DIP2B: variants seen among roughly 807,000 people sequenced by gnomAD.
DIP2B encodes disco-interacting protein 2 homolog B.
Under a neutral mutation model 198.0 loss-of-function variants are expected in DIP2B, and 76 were observed. The observed-to-expected ratio is 0.38, with a 90% CI of 0.32 to 0.46. The LOEUF (loss-of-function observed/expected upper bound fraction) is 0.46, where lower values mean the gene tolerates loss of function less well. Among genes scored for constraint, DIP2B ranks in the 20% least tolerant of loss-of-function variants. DIP2B has a pLI of 0.99. For missense variants in DIP2B, 1,559 were observed against 1,978.4 expected (o/e 0.79, Z 4.02); for synonymous variants, 701 against 739.1 (o/e 0.95, Z 0.84).
chr12:50,506,188 GC>G (rs1957967068), intron 1 of DIP2B, among the ~76,000 whole-genome samples: 1 of 152,136 alleles, frequency 6.6e-6, no homozygotes, highest in South Asian at 2.1e-4. Flanking sequence ...ATCACTGGCT[GC>G]CCCTGAGACA....
intron 1 of DIP2B, among the ~76,000 whole-genome samples, chr12:50,544,342 C>T (rs1292477642): frequency 3.3e-5 from 5 of 152,094 alleles, no homozygotes; most frequent in African/African-American, 2.4e-5. Context: ...TCAGATATTC[C>T]GTCACTAGGG....
At chr12:50,612,926 A>C (rs1959043885) in intron 1 of DIP2B, among the ~76,000 whole-genome samples, 1 of 152,168 alleles carries the variant, frequency 6.6e-6, no homozygotes, top group Admixed American at 6.5e-5. Context: ...TCTCCCAGGC[A>C]CTACTGGAGA....
At chr12:50,604,071 C>T (rs1359567564) in intron 1 of DIP2B, among the ~76,000 whole-genome samples, 1 of 151,402 alleles carries the variant, frequency 6.6e-6, no homozygotes, top group East Asian at 1.9e-4. Context: ...ATGGATTGTA[C>T]GCTCCTAGAT....
At chr12:50,577,542 AAAAAAT>A (rs1000910620) in intron 1 of DIP2B, among the ~76,000 whole-genome samples, 3 of 151,670 alleles carry the variant, frequency 2.0e-5, no homozygotes, top group African/African-American at 7.3e-5. Context: ...TAAAAAATAA[AAAAAAT>A]AAAAAAAAGT....
intron 12 of DIP2B, among the ~76,000 whole-genome samples, chr12:50,688,531 G>T (rs1939169905): frequency 6.6e-6 from 1 of 151,910 alleles, no homozygotes; most frequent in African/African-American, 2.4e-5. Context: ...TGCACCTATA[G>T]TCCCAGCTAC....
intron 3 of DIP2B, among the ~76,000 whole-genome samples, chr12:50,654,660 T>C (rs1376450495): frequency 6.6e-6 from 1 of 152,058 alleles, no homozygotes; most frequent in Non-Finnish European, 1.5e-5. Flanking sequence ...CCCGAAAATA[T>C]AAGGAAAATT....
intron 1 of DIP2B, 100 bp downstream of exon 1, chr12:50,505,340 G>C: frequency 1.0e-6 from 1 of 957,282 alleles, no homozygotes; most frequent in Non-Finnish European, 1.5e-6. Context: ...TGCGGCGAGG[G>C]GGACGAGGGT....
intron 23 of DIP2B, among the ~76,000 whole-genome samples, chr12:50,717,948 G>A (rs1028141358): frequency 8.9e-6 from 1 of 112,936 alleles, no homozygotes; most frequent in African/African-American, 3.5e-5. Context: ...TCGCCATACT[G>A]GAGTGCAGTG....
chr12:50,717,896 C>CTTTTTTTTTTTTTTTT (rs60627093), intron 23 of DIP2B, among the ~76,000 whole-genome samples: 1 of 87,056 alleles, frequency 1.1e-5, no homozygotes. Flanking sequence ...CCATTATTCA[C>CTTTTTTTTTTTTTTTT]TTTTTTTTTT....
chr12:50,641,240 C>T (rs1938251914), intron 3 of DIP2B, among the ~76,000 whole-genome samples: 1 of 152,062 alleles, frequency 6.6e-6, no homozygotes, highest in Admixed American at 6.6e-5. Context: ...ACCTGTAATC[C>T]CAGCTACTCA....
intron 1 of DIP2B, among the ~76,000 whole-genome samples, chr12:50,623,529 G>GCGCA (rs1937868880): frequency 9.6e-6 from 1 of 104,576 alleles, no homozygotes; most frequent in Non-Finnish European, 1.9e-5. Flanking sequence ...ACACACACAC[G>GCGCA]CACACACACA....
At chr12:50,508,766 T>C (rs1593562166) in intron 1 of DIP2B, among the ~76,000 whole-genome samples, 1 of 151,460 alleles carries the variant, frequency 6.6e-6, no homozygotes, top group Admixed American at 6.6e-5. Context: ...AGTGAAATGG[T>C]GCGATCTCAG....
At chr12:50,593,720 CCT>C in intron 1 of DIP2B, among the ~76,000 whole-genome samples, 1 of 3,972 alleles carries the variant, frequency 2.5e-4, no homozygotes, top group Admixed American at 2.0e-3. Flanking sequence ...CCTCTCCTCT[CCT>C]CTCCTCTCCT....
intron 3 of DIP2B, among the ~76,000 whole-genome samples, chr12:50,659,830 C>G (rs1169892794): frequency 6.6e-6 from 1 of 152,080 alleles, no homozygotes; most frequent in East Asian, 1.9e-4. Flanking sequence ...CTCCAGGCAC[C>G]TGCACAGCGC....
chr12:50,675,156 T>C lies in DIP2B; in HGVS notation c.797-173T>C, dbSNP rs148857489. On this transcript the variant is annotated intron_variant, in intron 6 of 37. Transcript: ENST00000301180. ...AAGCTATGTATTAATAATAGCACCA[T>C]ATTTGTTCTCTATTGTCATAAAACT... Among the ~76,000 whole-genome samples, 91 of 152,350 alleles carry C rather than the reference T, an allele frequency of 6.0e-4. 2 individuals carry two copies. In the East Asian group the frequency reaches 0.017, roughly 28 times the overall value.
chr12:50,672,365 T>C (rs746699753), intron 5 of DIP2B, among the ~76,000 whole-genome samples: 19 of 152,186 alleles, frequency 1.2e-4, no homozygotes, highest in Non-Finnish European at 2.6e-4. Context: ...TGCCCTGCCA[T>C]TTCCTGAGCC....
At chr12:50,615,928 C>G (rs937006178) in intron 1 of DIP2B, among the ~76,000 whole-genome samples, 1 of 152,212 alleles carries the variant, frequency 6.6e-6, no homozygotes, top group African/African-American at 2.4e-5. Context: ...CACCTCAGGT[C>G]ATTTGTAGAG....
At chr12:50,533,739 G>T (rs59683461) in intron 1 of DIP2B, among the ~76,000 whole-genome samples, 10,814 of 151,782 alleles carry the variant, frequency 0.071, 815 homozygotes, top group East Asian at 0.36. Context: ...CTCCCAAGTG[G>T]GCACCATGCT....
In DIP2B at chr12:50,725,782, A is replaced by G. The variant is rs1269893195; in HGVS notation, c.3400+896A>G. Reference sequence around the variant, plus strand: ...GAAAACTGAGGGAAGTTAAATAAGCAGCAGAACTGAAATTCAAATCCAGCC... The same window carrying G: ...GAAAACTGAGGGAAGTTAAATAAGCGGCAGAACTGAAATTCAAATCCAGCC... On this transcript the variant is annotated intron_variant, in intron 28 of 37. Coordinates refer to ENST00000301180, the MANE Select transcript of DIP2B (RefSeq NM_173602.3). Among the ~76,000 whole-genome samples the G allele has an allele frequency of 5.9e-5, 9 of 152,274 alleles. No homozygotes were observed. In the South Asian group the frequency reaches 1.7e-3, roughly 28 times the overall value.
Sources: allele counts gnomAD v4.1 joint callset (sites outside exome capture counted in the v4.1 genomes callset), GRCh38; gene constraint gnomAD v4.1.1; transcripts MANE v1.5; gene names NCBI Gene and HGNC (gene_info 2026-07-23, HGNC 2026-07-21).